RAP1GAP2: variants seen among roughly 807,000 people sequenced by gnomAD.
RAP1GAP2 encodes the protein rap1 GTPase-activating protein 2.
RAP1GAP2 carries 27 observed loss-of-function variants against 95.0 expected under a neutral mutation model. The observed-to-expected ratio is 0.28, with a 90% CI of 0.21 to 0.39. The LOEUF is 0.39. RAP1GAP2 is among the 10% of genes least tolerant of loss of function. RAP1GAP2 has a pLI of 1.00. For missense variants in RAP1GAP2, 771 were observed against 970.0 expected, an observed-to-expected ratio of 0.79 and a Z score of 2.72; for synonymous variants, 373 against 380.9, an observed-to-expected ratio of 0.98 and a Z score of 0.24.
intron 2 of RAP1GAP2, among the ~76,000 whole-genome samples, chr17:2,838,697 G>A (rs2071250166): frequency 6.6e-6 from 1 of 152,160 alleles, no homozygotes; most frequent in African/African-American, 2.4e-5. Context: ...GTAACCGGGG[G>A]AGATGACATT....
At chr17:2,951,103 G>A (rs1422272248) in intron 3 of RAP1GAP2, among the ~76,000 whole-genome samples, 1 of 152,220 alleles carries the variant, frequency 6.6e-6, no homozygotes, top group Non-Finnish European at 1.5e-5. Flanking sequence ...GCCGAAGCCT[G>A]AGTTCTGGGG....
Position 2,873,079 on chromosome 17 carries a change from G to A in RAP1GAP2, c.81-32205G>A, listed in dbSNP as rs188158699. Among the ~76,000 whole-genome samples, 582 of 151,372 alleles carry A rather than the reference G, an allele frequency of 3.8e-3. 3 individuals carry two copies. Among genetic ancestry groups the A allele is most frequent in the African/African-American group, 0.013 (555 of 41,240 alleles). Reference sequence around the variant, plus strand: ...GATTGCGCCACCGCACTCCAGCCTAGGGGACAGACTGAGACTTTGTCTGAA... The same window carrying A: ...GATTGCGCCACCGCACTCCAGCCTAAGGGACAGACTGAGACTTTGTCTGAA... On this transcript the variant is annotated intron_variant, in intron 2 of 24. Transcript: ENST00000254695.
intron 3 of RAP1GAP2, among the ~76,000 whole-genome samples, chr17:2,907,909 C>T (rs778466062): frequency 1.2e-4 from 19 of 152,124 alleles, no homozygotes; most frequent in African/African-American, 1.9e-4. Context: ...TGGGTTCAAG[C>T]GCTTCTCCTA....
In RAP1GAP2 at chr17:2,761,374, C is replaced by T. The variant is rs1053078948; in HGVS notation, c.50+5607C>T. 1.1e-4 allele frequency among the ~76,000 whole-genome samples: 16 copies of T among 151,596 alleles called. No individual in the cohort carries two copies. In the South Asian group the frequency reaches 1.9e-3, roughly 18 times the overall value. On this transcript the variant is annotated intron_variant, in intron 1 of 25. Transcript: ENST00000637138. The stretch of plus-strand genomic sequence containing the variant: ...TGTGATCTCAGCTCACCGCAACCTC[C>T]GTCCCCCGGGTTCAAGCGATTCTCT...
chr17:2,769,933 C>T (rs140047946), intron 1 of RAP1GAP2, among the ~76,000 whole-genome samples: 160 of 151,962 alleles, frequency 1.1e-3, no homozygotes, highest in African/African-American at 3.5e-3. Flanking sequence ...ATTAGCGAGG[C>T]GTGGTGGTGG....
rs1295274927 is a variant in RAP1GAP2 at position 3,003,874 on chromosome 17, A to G, written c.1201-1495A>G. 6.6e-6 allele frequency among the ~76,000 whole-genome samples: 1 copy of G among 152,172 alleles called. No homozygotes were observed. The highest frequency in any genetic ancestry group is 1.5e-5 in the Non-Finnish European group (1 of 68,030). ...GGAAGGTGAACGCACGTCGCAAGGAAGGGCCCTGTCCTCCGTGTGGCCCAC... is the reference window on the plus strand; with the variant it reads ...GGAAGGTGAACGCACGTCGCAAGGAGGGGCCCTGTCCTCCGTGTGGCCCAC... On this transcript the variant is annotated intron_variant, in intron 14 of 24. Coordinates refer to ENST00000254695, the MANE Select transcript of RAP1GAP2 (RefSeq NM_015085.5). The surrounding 1 kb of genome is among the most constrained non-coding windows in gnomAD (Gnocchi z 4.1).
intron 2 of RAP1GAP2, among the ~76,000 whole-genome samples, chr17:2,838,385 G>A (rs1228100629): frequency 6.6e-6 from 1 of 152,052 alleles, no homozygotes; most frequent in Non-Finnish European, 1.5e-5. Context: ...CAGGCAGCTG[G>A]CGACATGCTG....
At chr17:3,031,857 C>A (rs1162003823) in intron 23 of RAP1GAP2, among the ~76,000 whole-genome samples, 15 of 147,010 alleles carry the variant, frequency 1.0e-4, no homozygotes, top group South Asian at 2.2e-4. Flanking sequence ...ATCGAGAGCT[C>A]CAGGTCCAGA....
intron 3 of RAP1GAP2, among the ~76,000 whole-genome samples, chr17:2,926,125 CAAAAAAAAAA>C (rs990593437): frequency 1.7e-5 from 1 of 59,650 alleles, no homozygotes; most frequent in Non-Finnish European, 3.8e-5. Context: ...GCCTCTGTCT[CAAAAAAAAAA>C]AAAAAAAAAG....
chr17:2,962,667 T>C lies in RAP1GAP2; in HGVS notation c.202-3T>C, dbSNP rs771061443. On this transcript the variant is annotated splice_region_variant and splice_polypyrimidine_tract_variant and intron_variant, in intron 4 of 24. Transcript: ENST00000254695. The stretch of plus-strand genomic sequence containing the variant: ...GTGGATCCTGTTTTCCTTGTTTCTA[T>C]AGGGGATCAAGCTTGAAGAGCAGAA... The C allele has an allele frequency of 1.3e-5, 20 of 1,589,136 alleles. No homozygotes were observed. The East Asian group carries it at 1.8e-4, about 14-fold the overall frequency.
intron 8 of RAP1GAP2, among the ~76,000 whole-genome samples, chr17:2,978,701 A>T (rs1053516388): frequency 1.3e-5 from 2 of 149,628 alleles, no homozygotes; most frequent in Non-Finnish European, 1.5e-5. Context: ...TGGGAGGCGG[A>T]GGTGGGTGGG....
At chr17:2,884,292 T>C (rs372177702) in intron 2 of RAP1GAP2, among the ~76,000 whole-genome samples, 52 of 152,132 alleles carry the variant, frequency 3.4e-4, no homozygotes, top group African/African-American at 1.3e-3. Flanking sequence ...CATTCTTTGC[T>C]TCTTCAATCA....
intron 3 of RAP1GAP2, among the ~76,000 whole-genome samples, chr17:2,912,920 G>A (rs190944469): frequency 6.6e-6 from 1 of 152,296 alleles, no homozygotes; most frequent in East Asian, 1.9e-4. Context: ...GCACATGCCT[G>A]AAATCCCAGC....
intron 2 of RAP1GAP2, among the ~76,000 whole-genome samples, chr17:2,890,809 C>T (rs9303140): frequency 0.25 from 38,389 of 151,454 alleles, 5,221 homozygotes; most frequent in Middle Eastern, 0.31. Context: ...CTCAGCCTCC[C>T]GAGTAGCTGG....
At position 2,854,852 on chromosome 17, in the gene RAP1GAP2, A is replaced by G. The variant is rs546764165; in HGVS notation, c.81-50432A>G. On this transcript the variant is annotated intron_variant, in intron 2 of 24. Coordinates refer to ENST00000254695, the MANE Select transcript of RAP1GAP2 (RefSeq NM_015085.5). ...TGGCACAAAGCCTCCCTGTTCTGCT[A>G]GGGTGCATGGCAGAGCCTCCAGCAA... is the stretch of plus-strand genomic sequence containing the variant. Among the ~76,000 whole-genome samples, 4 of 152,264 alleles carry G rather than the reference A, an allele frequency of 2.6e-5. No homozygotes were observed. The South Asian group carries it at 8.3e-4, about 32-fold the overall frequency.
At chr17:2,946,639 A>G (rs1198716690) in intron 3 of RAP1GAP2, among the ~76,000 whole-genome samples, 1 of 152,178 alleles carries the variant, frequency 6.6e-6, no homozygotes, top group Non-Finnish European at 1.5e-5. Context: ...GGTCCCTCCC[A>G]CACAGCAGCA....
At chr17:3,031,564 G>GT in intron 23 of RAP1GAP2, among the ~76,000 whole-genome samples, 1 of 146,790 alleles carries the variant, frequency 6.8e-6, no homozygotes, top group South Asian at 2.3e-4. Flanking sequence ...AGGTGGGAAG[G>GT]GCTGGTTCCT....
chr17:2,815,912 G>C (rs930917609), intron 2 of RAP1GAP2, among the ~76,000 whole-genome samples: 1 of 152,238 alleles, frequency 6.6e-6, no homozygotes, highest in East Asian at 1.9e-4. Flanking sequence ...AGGCCTCCCT[G>C]CTGAGGACAG....
At chr17:3,011,339 G>A (rs1382616677) in intron 17 of RAP1GAP2, among the ~76,000 whole-genome samples, 1 of 152,226 alleles carries the variant, frequency 6.6e-6, no homozygotes, top group Non-Finnish European at 1.5e-5. Flanking sequence ...CTGGGGACAG[G>A]CCAGGCTCAG....
Sources: allele counts gnomAD v4.1 joint callset (sites outside exome capture counted in the v4.1 genomes callset), GRCh38; gene constraint gnomAD v4.1.1; non-coding constraint Gnocchi (gnomAD v3.1); transcripts MANE v1.5; gene names NCBI Gene and HGNC (gene_info 2026-07-23, HGNC 2026-07-21).